Variants in AGBL4 observed in about 807,000 individuals in gnomAD.
AGBL4 encodes the protein cytosolic carboxypeptidase 6.
A neutral mutation model predicts 66.4 loss-of-function variants in AGBL4; 58 were observed. That is an observed-to-expected ratio of 0.87 (90% CI 0.71 to 1.09). The LOEUF is 1.09. Among genes scored for constraint, AGBL4 ranks in the 50% least tolerant of loss-of-function variants. AGBL4 has a pLI of 0.00. For synonymous variants in AGBL4, 234 were observed against 222.9 expected (o/e 1.05, Z -0.44); for missense variants, 579 against 631.0 (o/e 0.92, Z 0.88).
intron 3 of AGBL4, among the ~76,000 whole-genome samples, chr1:49,281,380 TAGG>T (rs2148404608): frequency 6.6e-6 from 1 of 152,278 alleles, no homozygotes; most frequent in East Asian, 1.9e-4. Flanking sequence ...TTATGGTGGT[TAGG>T]AGATGAAGCC....
chr1:49,043,387 T>C (rs75581937), intron 5 of AGBL4, among the ~76,000 whole-genome samples: 1 of 152,120 alleles, frequency 6.6e-6, no homozygotes, highest in Non-Finnish European at 1.5e-5. Context: ...TCTATGGGAT[T>C]ATCTTAGGCT....
intron 1 of AGBL4, among the ~76,000 whole-genome samples, chr1:49,859,104 C>T (rs568567982): frequency 2.0e-4 from 30 of 152,024 alleles, no homozygotes; most frequent in East Asian, 1.9e-4. Context: ...CCCTTCAATA[C>T]GACTATTTCA....
At chr1:48,691,517 G>A (rs184816750) in intron 6 of AGBL4, among the ~76,000 whole-genome samples, 6 of 152,288 alleles carry the variant, frequency 3.9e-5, no homozygotes, top group East Asian at 1.9e-4. Context: ...TGTCATGAGC[G>A]TTAAGAATGA....
intron 3 of AGBL4, among the ~76,000 whole-genome samples, chr1:49,267,309 C>A (rs181698882): frequency 1.3e-5 from 2 of 152,306 alleles, no homozygotes; most frequent in Admixed American, 1.3e-4. Flanking sequence ...TCCTTCACAT[C>A]TTTTGTAACT....
chr1:48,556,009 C>T (rs550079878), intron 11 of AGBL4, among the ~76,000 whole-genome samples: 55 of 152,236 alleles, frequency 3.6e-4, no homozygotes, highest in Non-Finnish European at 6.6e-4. Flanking sequence ...AGAGTACTTT[C>T]CATCCTGCCC....
At chr1:48,903,454 T>G (rs549001802) in intron 5 of AGBL4, among the ~76,000 whole-genome samples, 109 of 152,376 alleles carry the variant, frequency 7.2e-4, no homozygotes, top group Non-Finnish European at 1.4e-3. Flanking sequence ...CCCCAGTCCC[T>G]GGGATCTGCC....
intron 3 of AGBL4, among the ~76,000 whole-genome samples, chr1:49,378,466 G>GGA (rs1644518764): frequency 6.6e-6 from 1 of 152,044 alleles, no homozygotes; most frequent in Admixed American, 6.6e-5. Flanking sequence ...TAGTATCCGA[G>GGA]GAGAGAGACC....
rs949723123 is a variant in AGBL4 at position 49,846,067 on chromosome 1, C to A, written c.157+5329G>T. On this transcript the variant is annotated intron_variant, in intron 2 of 13. Coordinates refer to ENST00000371839, the MANE Select transcript of AGBL4 (RefSeq NM_032785.4). ...CCCTCATTCAGCATCAGAGGATCCACACAGGAGAGAAACCCTATGAATGTA... is the reference window on the plus strand; with the variant it reads ...CCCTCATTCAGCATCAGAGGATCCAAACAGGAGAGAAACCCTATGAATGTA... 5 of 1,580,574 alleles carry A rather than the reference C, an allele frequency of 3.2e-6. No homozygotes were observed. In the East Asian group the frequency reaches 9.0e-5, roughly 28 times the overall value.
chr1:48,917,858 A>G (rs1467601323), intron 5 of AGBL4, among the ~76,000 whole-genome samples: 2 of 152,204 alleles, frequency 1.3e-5, no homozygotes, highest in Admixed American at 6.5e-5. Context: ...TCATTTTTAT[A>G]GGGATCACCT....
chr1:49,624,203 T>C (rs896590855), intron 3 of AGBL4, among the ~76,000 whole-genome samples: 1 of 152,160 alleles, frequency 6.6e-6, no homozygotes, highest in Non-Finnish European at 1.5e-5. Context: ...TATTCCTTCT[T>C]TGAAGGAAAA....
intron 3 of AGBL4, among the ~76,000 whole-genome samples, chr1:49,551,858 C>A (rs1652983897): frequency 6.6e-6 from 1 of 152,158 alleles, no homozygotes. Context: ...CCAGAACTCC[C>A]AAGATTATAT....
intron 1 of AGBL4, among the ~76,000 whole-genome samples, chr1:49,872,586 G>A (rs923370366): frequency 6.6e-6 from 1 of 152,032 alleles, no homozygotes; most frequent in African/African-American, 2.4e-5. Context: ...ATTCACACAG[G>A]TATCTGCAGG....
At chr1:48,695,836 C>G (rs1646705224) in intron 6 of AGBL4, among the ~76,000 whole-genome samples, 1 of 152,188 alleles carries the variant, frequency 6.6e-6, no homozygotes, top group Non-Finnish European at 1.5e-5. Flanking sequence ...CTAAGCACAG[C>G]CAGGTTTGGT....
chr1:49,420,230 A>T (rs574910534), intron 3 of AGBL4, among the ~76,000 whole-genome samples: 21 of 152,202 alleles, frequency 1.4e-4, no homozygotes, highest in Admixed American at 3.3e-4. Context: ...AAGGCATGAC[A>T]TGTGAAGTCA....
At chr1:49,409,353 A>G (rs1032518813) in intron 3 of AGBL4, among the ~76,000 whole-genome samples, 4 of 152,222 alleles carry the variant, frequency 2.6e-5, no homozygotes, top group African/African-American at 7.2e-5. Flanking sequence ...TCAGAAAGTG[A>G]TACTTTTAGT....
At chr1:48,696,648 G>A (rs1331906458) in intron 6 of AGBL4, among the ~76,000 whole-genome samples, 2 of 152,114 alleles carry the variant, frequency 1.3e-5, no homozygotes, top group Non-Finnish European at 2.9e-5. Flanking sequence ...CTTGAAAAGC[G>A]GGACACAGGA....
chr1:48,866,311 A>AT (rs1648079364), intron 6 of AGBL4, among the ~76,000 whole-genome samples: 1 of 152,166 alleles, frequency 6.6e-6, no homozygotes, highest in African/African-American at 2.4e-5. Flanking sequence ...TGTATTGGTA[A>AT]TTAGTCATCC....
At chr1:49,275,338 G>A (rs998677499) in intron 3 of AGBL4, among the ~76,000 whole-genome samples, 6 of 152,104 alleles carry the variant, frequency 3.9e-5, no homozygotes, top group African/African-American at 1.4e-4. Context: ...CTCAAAAAGA[G>A]AGAAGTTCAC....
chr1:49,620,299 G>A (rs1558107640), intron 3 of AGBL4, among the ~76,000 whole-genome samples: 1 of 151,978 alleles, frequency 6.6e-6, no homozygotes, highest in Non-Finnish European at 1.5e-5. Flanking sequence ...CATCAAAAAT[G>A]GGCAAAGGAT....
Sources: allele counts gnomAD v4.1 joint callset (sites outside exome capture counted in the v4.1 genomes callset), GRCh38; gene constraint gnomAD v4.1.1; transcripts MANE v1.5; gene names NCBI Gene and HGNC (gene_info 2026-07-23, HGNC 2026-07-21).